Variants in BDP1 observed in about 807,000 individuals in gnomAD.
BDP1 encodes the protein transcription factor TFIIIB component B'' homolog.
In BDP1, 169 loss-of-function variants were observed where a neutral mutation model predicts 266.6. The observed-to-expected ratio is 0.63, with a 90% CI of 0.56 to 0.72. BDP1 has a LOEUF of 0.72. Among genes scored for constraint, BDP1 ranks in the 30% least tolerant of loss-of-function variants. The probability of loss-of-function intolerance (pLI) is 0.00; values close to 1 mark genes in which losing one functional copy is unlikely to be tolerated. For synonymous variants in BDP1, 1,090 were observed against 1,022.4 expected, an observed-to-expected ratio of 1.07 and a Z score of -1.26; for missense variants, 3,015 against 3,053.8, an observed-to-expected ratio of 0.99 and a Z score of 0.30.
intron 4 of BDP1, 97 bp downstream of exon 4, chr5:71,464,214 G>C: frequency 2.6e-6 from 2 of 775,256 alleles, no homozygotes; most frequent in Non-Finnish European, 4.1e-6. Flanking sequence ...ATTTGATTGG[G>C]GTTGGGCACA....
downstream of BDP1, among the ~76,000 whole-genome samples, chr5:71,569,822 A>G (rs968760366): frequency 2.0e-5 from 3 of 152,238 alleles, no homozygotes; most frequent in Admixed American, 6.5e-5. Flanking sequence ...AAAAATCTGC[A>G]GGTGATCCTA....
rs755602978 is a variant in BDP1, at chr5:71,560,122, C to T, written c.7381C>T (p.Pro2461Ser). The T allele has an allele frequency of 6.2e-7, 1 of 1,614,086 alleles. No homozygotes were observed. The part of the protein sequence containing the change: ...SPDACMDKNV[P>S]QLPQDEMIVS... Reference sequence around the variant, plus strand: ...TGATGCATGCATGGACAAGAATGTGCCTCAGTTACCTCAGGATGAAATGAT... The same window carrying T: ...TGATGCATGCATGGACAAGAATGTGTCTCAGTTACCTCAGGATGAAATGAT... The change falls in exon 37 of 39, where the codon CCT becomes TCT. Residue 2461 changes from proline (P) to serine (S), a missense_variant. Pro to Ser is a moderately conservative substitution (Grantham distance 74). Around this residue, in one of 3 missense-constraint regions of BDP1, gnomAD observed 629 missense variants for 632.5 expected, o/e 0.99. Coordinates refer to ENST00000358731, the MANE Select transcript of BDP1 (RefSeq NM_018429.3).
chr5:71,500,645 A>G (rs1173211428), intron 13 of BDP1, among the ~76,000 whole-genome samples: 2 of 151,960 alleles, frequency 1.3e-5, no homozygotes, highest in African/African-American at 4.8e-5. Flanking sequence ...TAATACTTGT[A>G]ATTTCATTAT....
chr5:71,495,570 G>A (rs988962153), intron 12 of BDP1, among the ~76,000 whole-genome samples, 162 bp downstream of exon 12: 5 of 152,254 alleles, frequency 3.3e-5, no homozygotes, highest in Admixed American at 1.3e-4. Flanking sequence ...TCTGTTCAGA[G>A]TGTAACATCA....
At chr5:71,559,907 C>A in intron 36 of BDP1, 75 bp from the exon 37 acceptor site, 1 of 1,482,814 alleles carries the variant, frequency 6.7e-7, no homozygotes, top group Non-Finnish European at 9.1e-7. Context: ...CCATGGGTTT[C>A]TTTTCAAATG....
At position 71,500,286 on chromosome 5, in the gene BDP1, TTTTTTCTTTGAAGTGTTGTA is replaced by T. The variant is rs1764145923; in HGVS notation, c.1957-1275_1957-1256del. ...TTACTTGTAATTTTTTTCTTTACCTTTTTTTCTTTGAAGTGTTGTAATCTTGTTTCTTTTTTTTTTTTTTT... is the reference window on the plus strand; with the variant it reads ...TTACTTGTAATTTTTTTCTTTACCTTATCTTGTTTCTTTTTTTTTTTTTTT... On this transcript the variant is annotated intron_variant, in intron 13 of 38. Coordinates refer to ENST00000358731, the MANE Select transcript of BDP1 (RefSeq NM_018429.3). 2.0e-5 allele frequency among the ~76,000 whole-genome samples: 3 copies of T among 151,200 alleles called. No individual in the cohort carries two copies. The South Asian group carries it at 6.2e-4, about 31-fold the overall frequency.
Position 71,516,630 on chromosome 5 carries a change from G to A in BDP1, c.4860+359G>A, listed in dbSNP as rs982999827. ...CAAATTTAAACAATAAAGTCATTAC[G>A]TACTATAACTTTCTGTTATTCACTG... On this transcript the variant is annotated intron_variant, in intron 21 of 38. Coordinates refer to ENST00000358731, the MANE Select transcript of BDP1 (RefSeq NM_018429.3). 4.6e-5 allele frequency among the ~76,000 whole-genome samples: 7 copies of A among 152,120 alleles called. No individual in the cohort carries two copies. The East Asian group carries it at 5.8e-4, about 13-fold the overall frequency.
Position 71,545,105 on chromosome 5 carries a change from T to C in BDP1, c.6630T>C (p.Ser2210=). The C allele has an allele frequency of 6.2e-7, 1 of 1,613,768 alleles. No individual in the cohort carries two copies. The change falls in exon 32 of 39, where the codon TCT becomes TCC. Residue 2210 remains serine (S), a synonymous_variant. Coordinates refer to ENST00000358731, the MANE Select transcript of BDP1 (RefSeq NM_018429.3). ...TGTCAGTTGCTCCAGTTGCTTCCTC[T>C]GAGACAGGGCCCTGCACACTTGGTT... ...HMLSVAPVAS[S]ETGPCTLGLD... is the part of the protein sequence containing the mutation.
chr5:71,555,667 G>C (rs1469505034), intron 35 of BDP1, among the ~76,000 whole-genome samples: 1 of 152,008 alleles, frequency 6.6e-6, no homozygotes, highest in Non-Finnish European at 1.5e-5. Flanking sequence ...TCGAACTCCG[G>C]ACCTCAGATG....
At chr5:71,499,508 A>G (rs914478450) in intron 13 of BDP1, among the ~76,000 whole-genome samples, 1 of 151,946 alleles carries the variant, frequency 6.6e-6, no homozygotes. Flanking sequence ...AATCCCAACT[A>G]CTCGGGAGTT....
chr5:71,530,720 C>T (rs895322640), intron 25 of BDP1, among the ~76,000 whole-genome samples: 24 of 152,034 alleles, frequency 1.6e-4, no homozygotes, highest in Non-Finnish European at 1.9e-4. Flanking sequence ...TCAGATATTA[C>T]CAAAGATTTT....
chr5:71,495,265 C>G lies in BDP1; in HGVS notation c.1656C>G (p.Ala552=). 3.8e-6 allele frequency: 6 copies of G among 1,561,730 alleles called. No individual in the cohort carries two copies. The highest frequency in any genetic ancestry group is 5.2e-6 in the Non-Finnish European group (6 of 1,153,760). ...PILSLSNQQD[A]TSVATESSES... is the part of the protein sequence containing the mutation. ...TTTTTTTTAGTAATCAACAAGATGCCACATCAGTAGCAACTGAGTCTTCAG... is the reference window on the plus strand; with the variant it reads ...TTTTTTTTAGTAATCAACAAGATGCGACATCAGTAGCAACTGAGTCTTCAG... Residue 552 remains alanine (A), a synonymous_variant, in exon 12 of 39, where the codon GCC becomes GCG. Coordinates refer to ENST00000358731, the MANE Select transcript of BDP1 (RefSeq NM_018429.3).
At chr5:71,519,730 T>C (rs1240960425) in intron 22 of BDP1, among the ~76,000 whole-genome samples, 1 of 152,228 alleles carries the variant, frequency 6.6e-6, no homozygotes, top group African/African-American at 2.4e-5. Context: ...GACACTTAGG[T>C]TGATATTATG....
rs199811832 is a variant in BDP1, at chr5:71,558,820, C to CT, written c.7241-1161dup. ...CAGCCTGGGCAACAAGAGCGAAACT[C>CT]TGTCTCAAAAACAAAAAAAAAAAAC... On this transcript the variant is annotated intron_variant, in intron 36 of 38. Coordinates refer to ENST00000358731, the MANE Select transcript of BDP1 (RefSeq NM_018429.3). Among the ~76,000 whole-genome samples the CT allele has an allele frequency of 8.3e-3, 1,158 of 139,556 alleles. 12 individuals carry two copies. Among genetic ancestry groups the CT allele is most frequent in the African/African-American group, 0.03 (1,116 of 37,712 alleles). 91.6% of individuals were successfully genotyped at this position (139,556 alleles called of 152,430 possible).
intron 34 of BDP1, among the ~76,000 whole-genome samples, chr5:71,551,654 C>T (rs1742769121): frequency 6.6e-6 from 1 of 151,884 alleles, no homozygotes; most frequent in South Asian, 2.1e-4. Flanking sequence ...GGTGGCCGGG[C>T]AGAGGGGCTC....
intron 5 of BDP1, among the ~76,000 whole-genome samples, chr5:71,467,062 C>A (rs6452721): frequency 6.6e-6 from 1 of 152,216 alleles, no homozygotes; most frequent in Admixed American, 6.5e-5. Context: ...AAGACATGTG[C>A]AAGTCAATAA....
At chr5:71,467,524 A>G in intron 6 of BDP1, 37 bp downstream of exon 6, 1 of 1,498,246 alleles carries the variant, frequency 6.7e-7, no homozygotes, top group African/African-American at 1.4e-5. Flanking sequence ...TAAGTTCTCT[A>G]TTTGAAATGA....
chr5:71,562,641 C>G lies in BDP1; in HGVS notation c.7743+121C>G. 2.0e-6 allele frequency: 3 copies of G among 1,480,762 alleles called. No individual in the cohort carries two copies. The South Asian group carries it at 3.7e-5, about 18-fold the overall frequency. The allele number at this position is 1,480,762 out of a possible 1,614,324, so 91.7% of individuals were successfully genotyped here. A position where few individuals can be genotyped will look rare whatever the true frequency, so the allele number is the denominator to read the frequency against. On this transcript the variant is annotated intron_variant, in intron 38 of 38. Transcript: ENST00000358731. Reference sequence around the variant, plus strand: ...TGTCAGAAATTATTTTAGAGCAACTCCCATCCTTCTCTCCATCGTGTTCCT... The same window carrying G: ...TGTCAGAAATTATTTTAGAGCAACTGCCATCCTTCTCTCCATCGTGTTCCT...
At position 71,553,750 on chromosome 5, in the gene BDP1, C is replaced by G. The variant is rs7722837; in HGVS notation, c.7200+430C>G. Among the ~76,000 whole-genome samples, 319 of 152,276 alleles carry G rather than the reference C, an allele frequency of 2.1e-3. 1 individual carries two copies. Among genetic ancestry groups the G allele is most frequent in the African/African-American group, 6.6e-3 (273 of 41,546 alleles). On this transcript the variant is annotated intron_variant, in intron 35 of 38. Transcript: ENST00000358731. The stretch of plus-strand genomic sequence containing the variant: ...CTACCCATTGCTTTTAGGAGTAAAA[C>G]CACAGCCTTTAGTGCCCCACATTGT...
Sources: gnomAD v4.1 joint callset for allele counts (sites outside exome capture counted in the v4.1 genomes callset) on GRCh38, gnomAD v4.1.1 for gene constraint, gnomAD v4.1.1 regional missense constraint, MANE v1.5 for transcripts, NCBI Gene and HGNC (gene_info 2026-07-23, HGNC 2026-07-21) for gene names.